LIN28B: variants seen among roughly 807,000 people sequenced by gnomAD.
The protein encoded by LIN28B is protein lin-28 homolog B.
Under a neutral mutation model 21.9 loss-of-function variants are expected in LIN28B, and 5 were observed. The ratio of observed to expected loss-of-function variants is 0.23; its 90% CI spans 0.12 to 0.48. The LOEUF is 0.48. Among genes scored for constraint, LIN28B ranks in the 20% least tolerant of loss-of-function variants. The probability of loss-of-function intolerance (pLI) is 0.98; values close to 1 mark genes in which losing one functional copy is unlikely to be tolerated. For missense variants in LIN28B, 245 were observed against 310.5 expected (o/e 0.79, Z 1.58); for synonymous variants, 109 against 111.3 (o/e 0.98, Z 0.13).
chr6:104,940,888 T>G (rs1255921922), intron 2 of LIN28B: 1 of 152,640 alleles, frequency 6.6e-6, no homozygotes, highest in African/African-American at 2.4e-5. Context: ...CCGCGCTCCC[T>G]CAGGAAGTGA....
At chr6:104,938,889 C>CA (rs1041089972) in intron 2 of LIN28B, among the ~76,000 whole-genome samples, 130 of 151,376 alleles carry the variant, frequency 8.6e-4, no homozygotes, top group African/African-American at 2.7e-3. Flanking sequence ...AGTTTGAAAT[C>CA]AAAAAAAAGG....
chr6:104,998,561 C>G (rs957113427), intron 2 of LIN28B, among the ~76,000 whole-genome samples: 2 of 152,014 alleles, frequency 1.3e-5, no homozygotes, highest in African/African-American at 2.4e-5. Context: ...TTACAACTGC[C>G]TATATAAAAA....
intron 2 of LIN28B, among the ~76,000 whole-genome samples, chr6:104,943,463 G>A (rs1019549017): frequency 2.0e-5 from 3 of 152,092 alleles, no homozygotes; most frequent in Non-Finnish European, 4.4e-5. Context: ...CAAATTTGGG[G>A]ACTGTATTAG....
chr6:104,943,722 T>C (rs1778124488), intron 2 of LIN28B, among the ~76,000 whole-genome samples: 1 of 152,182 alleles, frequency 6.6e-6, no homozygotes, highest in African/African-American at 2.4e-5. Context: ...TTTGAACCTG[T>C]ACCTTATTTC....
intron 3 of LIN28B, among the ~76,000 whole-genome samples, chr6:105,066,983 C>T (rs1772231792): frequency 6.6e-6 from 1 of 152,130 alleles, no homozygotes; most frequent in South Asian, 2.1e-4. Flanking sequence ...TGTATTTCTT[C>T]AGGCTGAGCT....
rs531445674 is a variant in LIN28B at position 104,994,019 on chromosome 6, T to A, written c.199-32279T>A. Among the ~76,000 whole-genome samples, 4 of 152,046 alleles carry A rather than the reference T, an allele frequency of 2.6e-5. No individual in the cohort carries two copies. The South Asian group carries it at 8.3e-4, about 32-fold the overall frequency. On this transcript the variant is annotated intron_variant, in intron 2 of 3. Transcript: ENST00000345080. ...TCTTGATAAAAATATATATATATAT[T>A]TTTGAGACGGAGTCTCCTTCTGTCG...
At chr6:105,068,682 G>T (rs1014337205) in intron 3 of LIN28B, among the ~76,000 whole-genome samples, 5 of 152,122 alleles carry the variant, frequency 3.3e-5, no homozygotes, top group African/African-American at 1.2e-4. Context: ...CTTTTTATTT[G>T]ATAATACTGA....
At chr6:105,055,536 T>C (rs920268114) in intron 3 of LIN28B, among the ~76,000 whole-genome samples, 6 of 152,176 alleles carry the variant, frequency 3.9e-5, no homozygotes, top group Non-Finnish European at 8.8e-5. Flanking sequence ...GCAGGCTTTG[T>C]TGTCTGGCAG....
chr6:105,022,153 G>C (rs1771154613), intron 2 of LIN28B, among the ~76,000 whole-genome samples: 1 of 152,136 alleles, frequency 6.6e-6, no homozygotes, highest in Non-Finnish European at 1.5e-5. Flanking sequence ...TTTATTGAGA[G>C]AGAATGTGCA....
chr6:105,039,769 G>A (rs979331601), intron 3 of LIN28B, among the ~76,000 whole-genome samples: 37 of 152,044 alleles, frequency 2.4e-4, no homozygotes, highest in Non-Finnish European at 1.0e-4. Context: ...TGTAGTTTTT[G>A]ATGCTATTTT....
intron 3 of LIN28B, among the ~76,000 whole-genome samples, chr6:105,029,984 C>G (rs1218627424): frequency 1.3e-5 from 2 of 152,090 alleles, no homozygotes; most frequent in East Asian, 1.9e-4. Flanking sequence ...TGGCAAGGTA[C>G]GAGGTGGTGG....
Position 105,018,122 on chromosome 6 carries a change from C to CA in LIN28B, c.199-8169dup, listed in dbSNP as rs1771066532. ...GCAACATAGTGAGACTCCGTCTCTACAAAAAAATTTTAAAAGTAGCCAAGC... is the reference window on the plus strand; with the variant it reads ...GCAACATAGTGAGACTCCGTCTCTACAAAAAAAATTTTAAAAGTAGCCAAGC... On this transcript the variant is annotated intron_variant, in intron 2 of 3. Coordinates refer to ENST00000345080, the MANE Select transcript of LIN28B (RefSeq NM_001004317.4). Among the ~76,000 whole-genome samples the CA allele has an allele frequency of 3.3e-5, 5 of 151,756 alleles. No homozygotes were observed. The South Asian group carries it at 1.0e-3, about 32-fold the overall frequency.
At position 105,069,983 on chromosome 6, in the gene LIN28B, C is replaced by T. The variant is rs569676652; in HGVS notation, c.384-8431C>T. Among the ~76,000 whole-genome samples the T allele has an allele frequency of 7.2e-5, 11 of 152,276 alleles. No homozygotes were observed. In the East Asian group the frequency reaches 1.9e-3, roughly 27 times the overall value. On this transcript the variant is annotated intron_variant, in intron 3 of 3. Transcript: ENST00000345080. ...CTTATTTCCTTCTCTTTCCCTTCCT[C>T]CTTCCCTCCTTCCACCCCTCCCCTC... is the stretch of plus-strand genomic sequence containing the variant.
chr6:105,059,620 T>C (rs1772087659), intron 3 of LIN28B, among the ~76,000 whole-genome samples: 1 of 152,224 alleles, frequency 6.6e-6, no homozygotes, highest in Non-Finnish European at 1.5e-5. Context: ...GAAATTGAAC[T>C]GTGCAGTAGT....
Position 104,957,179 on chromosome 6 carries a change from G to T in LIN28B, c.-72G>T. 1.2e-6 allele frequency: 2 copies of T among 1,613,604 alleles called. No individual in the cohort carries two copies. Among genetic ancestry groups the T allele is most frequent in the Non-Finnish European group, 1.7e-6 (2 of 1,179,580 alleles). The stretch of plus-strand genomic sequence containing the variant: ...CACAAAATCAAGATGTTAGATTGAT[G>T]CAGAAGATCACTCCGTTCCAAAGGG... On this transcript the variant is annotated 5_prime_UTR_variant, in exon 1 of 4. It removes an upstream start codon present in the reference 5' UTR. Transcript: ENST00000345080.
At chr6:105,037,683 T>C (rs957081425) in intron 3 of LIN28B, among the ~76,000 whole-genome samples, 7 of 150,918 alleles carry the variant, frequency 4.6e-5, no homozygotes, top group African/African-American at 1.7e-4. Flanking sequence ...CTAATTTTTG[T>C]ATTTTTTTTT....
chr6:105,043,341 CAAAAAAAAAAAAAAAAAA>C (rs57532096), intron 3 of LIN28B, among the ~76,000 whole-genome samples: 20 of 75,386 alleles, frequency 2.7e-4, no homozygotes, highest in Admixed American at 4.7e-4. Flanking sequence ...GACTCTGTCT[CAAAAAAAAAAAAAAAAAA>C]AAAAAAAAAA....
At chr6:105,069,916 A>G (rs1772298536) in intron 3 of LIN28B, among the ~76,000 whole-genome samples, 1 of 152,116 alleles carries the variant, frequency 6.6e-6, no homozygotes, top group Non-Finnish European at 1.5e-5. Context: ...ATAAGGAAAT[A>G]AGAGATATAT....
intron 2 of LIN28B, among the ~76,000 whole-genome samples, chr6:104,948,819 T>C (rs1327973532): frequency 2.6e-5 from 4 of 152,190 alleles, no homozygotes; most frequent in African/African-American, 9.6e-5. Context: ...AAGCGGACAT[T>C]ACTGTTAAAA....
Sources: allele counts gnomAD v4.1 joint callset (sites outside exome capture counted in the v4.1 genomes callset), GRCh38; gene constraint gnomAD v4.1.1; transcripts MANE v1.5; gene names NCBI Gene and HGNC (gene_info 2026-07-23, HGNC 2026-07-21).